Variants in SKAP2 observed in about 807,000 individuals in gnomAD.
SKAP2 encodes the protein src kinase associated phosphoprotein 2, also known as src kinase-associated phosphoprotein 2.
A neutral mutation model predicts 54.9 loss-of-function variants in SKAP2; 28 were observed. The ratio of observed to expected loss-of-function variants is 0.51; its 90% CI spans 0.38 to 0.70. SKAP2 has a LOEUF of 0.70. SKAP2 is among the 30% of genes least tolerant of loss of function. SKAP2 has a pLI of 0.00. For missense variants in SKAP2, 356 were observed against 424.1 expected (o/e 0.84, Z 1.41); for synonymous variants, 137 against 134.3 (o/e 1.02, Z -0.14).
Position 26,670,106 on chromosome 7 carries a change from A to G in SKAP2, c.1074T>C (p.Asp358=). Reference sequence around the variant, plus strand: ...ATGTACTTACCCAGGACTCTCAAATATCATACATCTCCATTATGTAGGCTT... The same window carrying G: ...ATGTACTTACCCAGGACTCTCAAATGTCATACATCTCCATTATGTAGGCTT... ...VPKAYIMEMY[D]I is the part of the protein sequence containing the mutation. The change falls in exon 12 of 13, where the codon GAT becomes GAC. Residue 358 remains aspartate, a synonymous_variant. Transcript: ENST00000345317. 1 of 1,446,600 alleles carries G rather than the reference A, an allele frequency of 6.9e-7. No individual in the cohort carries two copies. Among genetic ancestry groups the G allele is most frequent in the South Asian group, 1.1e-5 (1 of 87,680 alleles). The allele number at this position is 1,446,600 out of a possible 1,614,324, so 89.6% of individuals were successfully genotyped here.
chr7:26,680,132 T>C (rs919564891), intron 11 of SKAP2, among the ~76,000 whole-genome samples: 2 of 152,212 alleles, frequency 1.3e-5, no homozygotes. Context: ...ATTAAATCTC[T>C]AAAAATAGTT....
chr7:26,743,506 C>T (rs1419156571), intron 4 of SKAP2, among the ~76,000 whole-genome samples: 1 of 151,982 alleles, frequency 6.6e-6, no homozygotes, highest in African/African-American at 2.4e-5. Flanking sequence ...AAAGTATATC[C>T]TAAGGGGAGA....
intron 4 of SKAP2, among the ~76,000 whole-genome samples, chr7:26,790,471 G>A (rs574228062): frequency 6.6e-6 from 1 of 152,242 alleles, no homozygotes; most frequent in South Asian, 2.1e-4. Flanking sequence ...TAACTGTGAG[G>A]TACAGTTATT....
At chr7:26,811,735 A>C (rs2127988086) in intron 4 of SKAP2, among the ~76,000 whole-genome samples, 1 of 152,314 alleles carries the variant, frequency 6.6e-6, no homozygotes, top group Non-Finnish European at 1.5e-5. Flanking sequence ...TTAAGCTATT[A>C]AAAGAGAAGA....
At chr7:26,699,800 A>G (rs900169220) in intron 9 of SKAP2, among the ~76,000 whole-genome samples, 6 of 152,278 alleles carry the variant, frequency 3.9e-5, no homozygotes, top group Non-Finnish European at 8.8e-5. Context: ...ATATCTAAAC[A>G]TTGTTCATCC....
At chr7:26,834,763 G>A (rs1205695800) in intron 4 of SKAP2, among the ~76,000 whole-genome samples, 2 of 152,082 alleles carry the variant, frequency 1.3e-5, no homozygotes, top group South Asian at 2.1e-4. Context: ...TTCTACCAGA[G>A]GTACAAAGAG....
At chr7:26,698,426 G>C (rs1786944807) in intron 9 of SKAP2, among the ~76,000 whole-genome samples, 1 of 152,186 alleles carries the variant, frequency 6.6e-6, no homozygotes, top group Admixed American at 6.6e-5. Flanking sequence ...ATGTTGCAGA[G>C]CAATGATGGG....
chr7:26,717,508 T>TGAAAAAA (rs1787473734), intron 9 of SKAP2, among the ~76,000 whole-genome samples: 1 of 8,264 alleles, frequency 1.2e-4, no homozygotes, highest in Admixed American at 2.2e-3. Context: ...AGACCCCATC[T>TGAAAAAA]CAAAAAAAAA....
At chr7:26,760,958 A>G (rs891159511) in intron 4 of SKAP2, among the ~76,000 whole-genome samples, 2 of 152,256 alleles carry the variant, frequency 1.3e-5, no homozygotes, top group Admixed American at 1.3e-4. Context: ...GAACTACTGG[A>G]AACTGTTCAC....
At chr7:26,675,044 C>T (rs1049089546) in intron 11 of SKAP2, among the ~76,000 whole-genome samples, 1 of 152,116 alleles carries the variant, frequency 6.6e-6, no homozygotes, top group African/African-American at 2.4e-5. Flanking sequence ...TCAGGTTCAC[C>T]CATTCCACTT....
intron 5 of SKAP2, 51 bp from the exon 6 acceptor site, chr7:26,738,929 AAGTT>A: frequency 2.9e-6 from 3 of 1,026,684 alleles, no homozygotes; most frequent in Non-Finnish European, 4.6e-6. Context: ...GTAAAAGAAA[AAGTT>A]AATTAATATG....
At chr7:26,786,365 A>G (rs73065504) in intron 4 of SKAP2, among the ~76,000 whole-genome samples, 26,204 of 152,214 alleles carry the variant, frequency 0.17, 2,814 homozygotes, top group Non-Finnish European at 0.24. Flanking sequence ...AACAAGTAAA[A>G]AACATATAAG....
intron 4 of SKAP2, among the ~76,000 whole-genome samples, chr7:26,769,583 C>A (rs915449588): frequency 7.1e-6 from 1 of 141,658 alleles, no homozygotes; most frequent in Admixed American, 7.0e-5. Flanking sequence ...TTTTCCTCAT[C>A]TTCATGGATT....
chr7:26,744,850 C>CA lies in SKAP2; in HGVS notation c.308-4887dup, dbSNP rs565237277. On this transcript the variant is annotated intron_variant, in intron 4 of 12. Transcript: ENST00000345317. ...ACATCATTACCAAAGTGCAATGACT[C>CA]AGAGACATTTTCAAAATAGACATGT... Among the ~76,000 whole-genome samples the CA allele has an allele frequency of 3.4e-3, 516 of 152,194 alleles. 5 individuals carry two copies. The highest frequency in any genetic ancestry group is 0.012 in the African/African-American group (485 of 41,512).
At chr7:26,841,197 T>C (rs1026107084) in intron 4 of SKAP2, among the ~76,000 whole-genome samples, 1 of 152,084 alleles carries the variant, frequency 6.6e-6, no homozygotes, top group Non-Finnish European at 1.5e-5. Context: ...AGTCTCTCAT[T>C]GAAATTCCAT....
At chr7:26,798,651 CTT>C (rs1783837825) in intron 4 of SKAP2, among the ~76,000 whole-genome samples, 1 of 151,888 alleles carries the variant, frequency 6.6e-6, no homozygotes, top group Non-Finnish European at 1.5e-5. Context: ...ATAAACTACT[CTT>C]ATCCTAAGTA....
At chr7:26,732,991 G>A (rs1044769095) in intron 6 of SKAP2, among the ~76,000 whole-genome samples, 3 of 152,136 alleles carry the variant, frequency 2.0e-5, no homozygotes, top group African/African-American at 7.2e-5. Flanking sequence ...TAAAGGCATA[G>A]CTTTAATTTA....
chr7:26,778,758 A>C (rs867130228), intron 4 of SKAP2, among the ~76,000 whole-genome samples: 1 of 151,956 alleles, frequency 6.6e-6, no homozygotes, highest in Non-Finnish European at 1.5e-5. Context: ...AAGTAATGTA[A>C]ACATGTAATA....
chr7:26,770,904 A>G lies in SKAP2; in HGVS notation c.308-30940T>C, dbSNP rs139094103. ...AGACCGGAGCTGTTCCTATTTGGCC[A>G]TCTTGCCTGGGAATCCTACTACATA... On this transcript the variant is annotated intron_variant, in intron 4 of 12. Coordinates refer to ENST00000345317, the MANE Select transcript of SKAP2 (RefSeq NM_003930.5). Among the ~76,000 whole-genome samples the G allele has an allele frequency of 1.8e-4, 28 of 152,298 alleles. No individual in the cohort carries two copies. The East Asian group carries it at 5.2e-3, about 28-fold the overall frequency.
Sources: allele counts gnomAD v4.1 joint callset (sites outside exome capture counted in the v4.1 genomes callset), GRCh38; gene constraint gnomAD v4.1.1; transcripts MANE v1.5; gene names NCBI Gene and HGNC (gene_info 2026-07-23, HGNC 2026-07-21).